CEP350: variants seen among roughly 807,000 people sequenced by gnomAD.
The protein encoded by CEP350 is centrosomal protein 350, also known as centrosome-associated protein 350.
In CEP350, 126 loss-of-function variants were observed where a neutral mutation model predicts 331.8. That is an observed-to-expected ratio of 0.38 (90% CI 0.33 to 0.44). CEP350 has a LOEUF of 0.44. Ranked by LOEUF, CEP350 falls within the 20% of genes least tolerant of loss-of-function variation. The pLI, the probability that CEP350 is intolerant of heterozygous loss-of-function variation, is 1.00. For missense variants in CEP350, 3,406 were observed against 3,634.6 expected, an observed-to-expected ratio of 0.94 and a Z score of 1.62; for synonymous variants, 1,200 against 1,259.5, an observed-to-expected ratio of 0.95 and a Z score of 1.00.
chr1:180,068,579 G>A lies in CEP350; in HGVS notation c.5567+3307G>A, dbSNP rs141783451. On this transcript the variant is annotated intron_variant, in intron 27 of 37. Coordinates refer to ENST00000367607, the MANE Select transcript of CEP350 (RefSeq NM_014810.5). ...ATTCATGAAAAAACACCATGCAATT[G>A]ACTGTTCCTGTTTATGGAACAAGTG... Among the ~76,000 whole-genome samples, 115 of 152,220 alleles carry A rather than the reference G, an allele frequency of 7.6e-4. 1 individual carries two copies. The highest frequency in any genetic ancestry group is 1.4e-3 in the Non-Finnish European group (98 of 67,990).
At chr1:180,103,533 T>C (rs566983380) in intron 37 of CEP350, among the ~76,000 whole-genome samples, 1 of 152,328 alleles carries the variant, frequency 6.6e-6, no homozygotes, top group African/African-American at 2.4e-5. Context: ...GACAGTTCTT[T>C]ATGGGGAATT....
At position 180,014,228 on chromosome 1, in the gene CEP350, A is replaced by G. The variant is rs188095829; in HGVS notation, c.1775A>G (p.Asp592Gly). 5.0e-5 allele frequency: 81 copies of G among 1,610,948 alleles called. 1 individual carries two copies. The Admixed American group carries it at 5.9e-4, about 12-fold the overall frequency. ...GTTATTTCCAAAAGGCGCCACTATG[A>G]CACAGATGAGGTACGACAGTACATT... ...PPVISKRRHYDTDEVRQYIVR... is the reference protein window; with the variant it reads ...PPVISKRRHYGTDEVRQYIVR... Residue 592 changes from aspartate (D) to glycine (G), a missense_variant, in exon 10 of 38, where the codon GAC becomes GGC. Coordinates refer to ENST00000367607, the MANE Select transcript of CEP350 (RefSeq NM_014810.5).
intron 28 of CEP350, among the ~76,000 whole-genome samples, chr1:180,078,112 A>G (rs1269340358): frequency 6.6e-6 from 1 of 152,088 alleles, no homozygotes; most frequent in Non-Finnish European, 1.5e-5. Flanking sequence ...CACCCTGGGC[A>G]ACAAGAACGG....
At chr1:180,039,125 T>A (rs1406352130) in intron 17 of CEP350, among the ~76,000 whole-genome samples, 1 of 46,748 alleles carries the variant, frequency 2.1e-5, no homozygotes, top group African/African-American at 8.7e-5. Flanking sequence ...GGGTTGGGCG[T>A]GGTGGGGGGG....
Position 179,996,636 on chromosome 1 carries a change from A to G in CEP350, c.479A>G (p.Lys160Arg). The G allele has an allele frequency of 6.2e-7, 1 of 1,612,132 alleles. No homozygotes were observed. The highest frequency in any genetic ancestry group is 8.5e-7 in the Non-Finnish European group (1 of 1,179,032). Residue 160 changes from lysine to arginine, a missense_variant, in exon 6 of 38, where the codon AAG becomes AGG. Physicochemically the swap from Lys to Arg is conservative, Grantham distance 26 (BLOSUM62 2). Transcript: ENST00000367607. ...TACTGTGTAGATGTTAATGAAGAAAAGACTGAGAGCGGTAACTGGATGATA... is the reference window on the plus strand; with the variant it reads ...TACTGTGTAGATGTTAATGAAGAAAGGACTGAGAGCGGTAACTGGATGATA... ...HVYCVDVNEEKTESGNWMIGS... is the reference protein window; with the variant it reads ...HVYCVDVNEERTESGNWMIGS...
Position 180,062,225 on chromosome 1 carries a change from A to T in CEP350, c.5268A>T (p.Glu1756Asp). Residue 1756 changes from glutamate (E) to aspartate (D), a missense_variant, in exon 26 of 38, where the codon GAA (glutamate) becomes GAT (aspartate). By Grantham distance (45) the Glu-to-Asp change is conservative. Coordinates refer to ENST00000367607, the MANE Select transcript of CEP350 (RefSeq NM_014810.5). Reference protein sequence around the residue: ...LLLRLQQEKAEIKRLQEANKA... With the variant: ...LLLRLQQEKADIKRLQEANKA... ...CTTAACTCTTTAAACCTTAGGCAGAAATAAAACGTCTTCAAGAAGCCAATA... is the reference window on the plus strand; with the variant it reads ...CTTAACTCTTTAAACCTTAGGCAGATATAAAACGTCTTCAAGAAGCCAATA... 1 of 1,609,130 alleles carries T rather than the reference A, an allele frequency of 6.2e-7. No individual in the cohort carries two copies. The highest frequency in any genetic ancestry group is 8.5e-7 in the Non-Finnish European group (1 of 1,177,564).
chr1:180,028,064 T>A (rs1019514786), intron 14 of CEP350, among the ~76,000 whole-genome samples: 1 of 152,232 alleles, frequency 6.6e-6, no homozygotes, highest in African/African-American at 2.4e-5. Flanking sequence ...GAAACTGTAT[T>A]TTCTTGTGAA....
In CEP350 at chr1:180,020,814, G is replaced by T; in HGVS notation, c.3040G>T (p.Glu1014Ter). ...PLLKVAEILK[E>*]KEFCPGERNS... ...TTTGAAAGTAGCAGAAATTTTAAAA[G>T]AAAAGGAATTTTGTCCTGGAGAAAG... Residue 1014 changes from glutamate to a stop codon, truncating the protein, a stop_gained, in exon 12 of 38, where the codon GAA becomes TAA. Transcript: ENST00000367607. LOFTEE classifies it high-confidence loss of function. 6.2e-7 allele frequency: 1 copy of T among 1,613,026 alleles called. No individual in the cohort carries two copies. Among genetic ancestry groups the T allele is most frequent in the Non-Finnish European group, 8.5e-7 (1 of 1,179,694 alleles).
At chr1:179,968,966 C>A in intron 1 of CEP350, 1 of 758,124 alleles carries the variant, frequency 1.3e-6, no homozygotes, top group Non-Finnish European at 2.4e-6. Context: ...ACTCCTGGAA[C>A]CTTCACTAAC....
At chr1:180,088,195 AATGG>A (rs1368419514) in intron 32 of CEP350, among the ~76,000 whole-genome samples, 1 of 152,182 alleles carries the variant, frequency 6.6e-6, no homozygotes, top group African/African-American at 2.4e-5. Context: ...TATGGCCAAA[AATGG>A]ATGAATAGCT....
chr1:180,082,231 A>G (rs1659616081), intron 30 of CEP350, among the ~76,000 whole-genome samples: 1 of 152,212 alleles, frequency 6.6e-6, no homozygotes, highest in Non-Finnish European at 1.5e-5. Context: ...GTAAGAATAA[A>G]TGGTTTTAGA....
chr1:180,076,982 G>C (rs1659258127), intron 28 of CEP350, among the ~76,000 whole-genome samples: 1 of 152,074 alleles, frequency 6.6e-6, no homozygotes, highest in Non-Finnish European at 1.5e-5. Context: ...AAGACAAGGA[G>C]GCTTATTTTT....
intron 28 of CEP350, among the ~76,000 whole-genome samples, chr1:180,078,120 C>T (rs371651992): frequency 5.3e-5 from 8 of 150,878 alleles, no homozygotes; most frequent in Non-Finnish European, 7.4e-5. Context: ...GCAACAAGAA[C>T]GGGATGCCAT....
chr1:180,063,826 T>G (rs1658388314), intron 26 of CEP350, among the ~76,000 whole-genome samples: 2 of 151,930 alleles, frequency 1.3e-5, no homozygotes, highest in Admixed American at 6.6e-5. Context: ...AAAAAATCAT[T>G]ATAGTGTGAG....
intron 22 of CEP350, among the ~76,000 whole-genome samples, chr1:180,051,196 G>A (rs184872262): frequency 6.6e-6 from 1 of 152,288 alleles, no homozygotes; most frequent in East Asian, 1.9e-4. Flanking sequence ...CTATTCAGCT[G>A]TTAAAAGGAA....
chr1:180,096,323 T>A, intron 36 of CEP350, 139 bp downstream of exon 36: 2 of 881,240 alleles, frequency 2.3e-6, no homozygotes, highest in Non-Finnish European at 3.2e-6. Context: ...GGGTATTCAA[T>A]AAAGATTTGT....
intron 1 of CEP350, among the ~76,000 whole-genome samples, chr1:179,984,169 G>GT (rs1652483564): frequency 6.6e-6 from 1 of 152,176 alleles, no homozygotes; most frequent in Non-Finnish European, 1.5e-5. Context: ...TCATTTCAGT[G>GT]TTATTTGTAA....
At chr1:180,013,450 T>C (rs933612281) in intron 9 of CEP350, among the ~76,000 whole-genome samples, 2 of 152,212 alleles carry the variant, frequency 1.3e-5, no homozygotes, top group African/African-American at 4.8e-5. Context: ...CTCATTGGGA[T>C]GCCTTCCACT....
Position 180,037,101 on chromosome 1 carries a change from GT to G in CEP350, c.4110+18del. On this transcript the variant is annotated intron_variant, in intron 17 of 37. Coordinates refer to ENST00000367607, the MANE Select transcript of CEP350 (RefSeq NM_014810.5). ...CTCAGATAATAAAGGTATTTTTGGA[GT>G]TTTTTAGCTTTCTGTGGTTTTTCTT... 1 of 1,547,552 alleles carries G rather than the reference GT, an allele frequency of 6.5e-7. No homozygotes were observed. The highest frequency in any genetic ancestry group is 1.3e-5 in the South Asian group (1 of 78,976).
Sources: allele counts gnomAD v4.1 joint callset (sites outside exome capture counted in the v4.1 genomes callset), GRCh38; gene constraint gnomAD v4.1.1; transcripts MANE v1.5; gene names NCBI Gene and HGNC (gene_info 2026-07-23, HGNC 2026-07-21).